TSBP1: variants seen among roughly 807,000 people sequenced by gnomAD.
TSBP1 encodes the protein testis-expressed basic protein 1.
A neutral mutation model predicts 68.8 loss-of-function variants in TSBP1; 56 were observed. That is an observed-to-expected ratio of 0.81 (90% CI 0.66 to 1.02). The LOEUF is 1.02. Among genes scored for constraint, TSBP1 ranks in the 50% least tolerant of loss-of-function variants. The probability of loss-of-function intolerance (pLI) is 0.00; values close to 1 mark genes in which losing one functional copy is unlikely to be tolerated. For synonymous variants in TSBP1, 171 were observed against 208.7 expected (o/e 0.82, Z 1.56); for missense variants, 502 against 641.2 (o/e 0.78, Z 2.34).
At chr6:32,296,359 A>G (rs568791961) in intron 22 of TSBP1, among the ~76,000 whole-genome samples, 3 of 152,346 alleles carry the variant, frequency 2.0e-5, no homozygotes, top group South Asian at 2.1e-4. Context: ...GTTGACATCC[A>G]AATAAAAATA....
At position 32,319,924 on chromosome 6, in the gene TSBP1, A is replaced by C. The variant is rs145958782; in HGVS notation, c.559+3193T>G. 2.0e-3 allele frequency among the ~76,000 whole-genome samples: 300 copies of C among 151,924 alleles called. 2 individuals are homozygous for C. The South Asian group carries it at 0.021, about 11-fold the overall frequency. ...TTAAAATGCATTAATATCTTTGAAG[A>C]CTTTTTCTTTTTTTTCCTTTAGTGT... On this transcript the variant is annotated intron_variant, in intron 18 of 22. Coordinates refer to ENST00000612031, the Ensembl canonical transcript of TSBP1.
chr6:32,306,422 A>C lies in TSBP1; in HGVS notation c.581-3793T>G, dbSNP rs1402672490. 3.3e-5 allele frequency among the ~76,000 whole-genome samples: 5 copies of C among 151,878 alleles called. No individual in the cohort carries two copies. Among genetic ancestry groups the C allele is most frequent in the African/African-American group, 4.8e-5 (2 of 41,360 alleles). On this transcript the variant is annotated intron_variant, in intron 19 of 22. Transcript: ENST00000612031. The surrounding 1 kb of genome is among the most constrained non-coding windows in gnomAD (Gnocchi z 5.1). The stretch of plus-strand genomic sequence containing the variant: ...AAACCCTCCAGCCAGCCTGAAAGAC[A>C]TTAGAAGGGTGGTACTTTAGAATGC...
chr6:32,337,259 A>T lies in TSBP1; in HGVS notation c.410-624T>A, dbSNP rs1236540367. Among the ~76,000 whole-genome samples the T allele has an allele frequency of 6.6e-6, 1 of 152,240 alleles. No homozygotes were observed. Among genetic ancestry groups the T allele is most frequent in the Admixed American group, 6.5e-5 (1 of 15,280 alleles). ...TTCAGTGGAGGAACAAATTAAGTTT[A>T]TAAATGCTTCTTTCTTCATCTTGGA... On this transcript the variant is annotated intron_variant, in intron 11 of 22. Coordinates refer to ENST00000612031, the Ensembl canonical transcript of TSBP1. The surrounding 1 kb of genome is among the most constrained non-coding windows in gnomAD (Gnocchi z 5.5).
chr6:32,364,988 G>A (rs3129917), intron 6 of TSBP1, among the ~76,000 whole-genome samples: 21,229 of 151,836 alleles, frequency 0.14, 1,665 homozygotes, highest in Non-Finnish European at 0.17. Flanking sequence ...CAAACTCTTG[G>A]GCTCAAGCAA....
Position 32,308,610 on chromosome 6 carries a change from AAAAAAAT to A in TSBP1, c.581-5988_581-5982del, listed in dbSNP as rs796905689. On this transcript the variant is annotated intron_variant, in intron 19 of 22. Coordinates refer to ENST00000612031, the Ensembl canonical transcript of TSBP1. The stretch of plus-strand genomic sequence containing the variant: ...GAGACTCCGTCTCAAAAAAAAAAAA[AAAAAAAT>A]TTTGCTTTTTATTTGCTTTCTCTTT... Among the ~76,000 whole-genome samples the A allele has an allele frequency of 6.8e-3, 984 of 143,922 alleles. 16 individuals carry two copies. The highest frequency in any genetic ancestry group is 0.02 in the East Asian group (101 of 4,936). The allele number at this position is 143,922 out of a possible 152,430, so 94.4% of individuals were successfully genotyped here. A position where few individuals can be genotyped will look rare whatever the true frequency, so the allele number is the denominator to read the frequency against.
chr6:32,360,880 TC>T, intron 6 of TSBP1, among the ~76,000 whole-genome samples: 1 of 108,568 alleles, frequency 9.2e-6, no homozygotes. Flanking sequence ...TTTTTCTCTC[TC>T]TCTTTTTTTT....
At chr6:32,348,198 C>T (rs3117126) in intron 9 of TSBP1, among the ~76,000 whole-genome samples, 115,381 of 152,154 alleles carry the variant, frequency 0.76, 43,954 homozygotes, top group South Asian at 0.86. Flanking sequence ...GGCAAGCCTG[C>T]CTCACATGGG....
chr6:32,300,366 T>C (rs11965088), intron 21 of TSBP1, among the ~76,000 whole-genome samples: 7,020 of 152,288 alleles, frequency 0.046, 365 homozygotes, highest in African/African-American at 0.13. Context: ...AGGATTTTCT[T>C]TTTTAGTAAA....
Position 32,367,243 on chromosome 6 carries a change from AAGAG to A in TSBP1, c.166+678_166+681del, listed in dbSNP as rs67714335. On this transcript the variant is annotated intron_variant, in intron 4 of 22. Transcript: ENST00000612031. Reference sequence around the variant, plus strand: ...TCAGAAAGAGAGAAAGAGGGAAGGAAAGAGAGAGAGAGAGAGAGAGAAAGAGAGA... The same window carrying A: ...TCAGAAAGAGAGAAAGAGGGAAGGAAAGAGAGAGAGAGAGAGAAAGAGAGA... Among the ~76,000 whole-genome samples, 90 of 130,650 alleles carry A rather than the reference AAGAG, an allele frequency of 6.9e-4. 2 individuals carry two copies. The highest frequency in any genetic ancestry group is 2.5e-3 in the African/African-American group (82 of 32,982). The allele number at this position is 130,650 out of a possible 152,430, so 85.7% of individuals were successfully genotyped here.
rs59185462 is a variant in TSBP1, at chr6:32,330,062, G to A, written c.514+527C>T. On this transcript the variant is annotated intron_variant, in intron 16 of 22. Transcript: ENST00000612031. ...TGTGTGCGCGCGCGCACGTGTGTTG[G>A]GGATGTTTGGAGATAGTGAGCCGGA... is the stretch of plus-strand genomic sequence containing the variant. Among the ~76,000 whole-genome samples, 492 of 152,240 alleles carry A rather than the reference G, an allele frequency of 3.2e-3. 14 individuals carry two copies. The East Asian group carries it at 0.068, about 21-fold the overall frequency.
chr6:32,362,149 C>T (rs1169695025), intron 6 of TSBP1, among the ~76,000 whole-genome samples: 2 of 152,066 alleles, frequency 1.3e-5, no homozygotes, highest in African/African-American at 2.4e-5. Context: ...ATTAGCCGGG[C>T]GTAGTGGCAG....
Position 32,307,308 on chromosome 6 carries a change from T to G in TSBP1, c.581-4679A>C, listed in dbSNP as rs144790543. Among the ~76,000 whole-genome samples, 12 of 152,316 alleles carry G rather than the reference T, an allele frequency of 7.9e-5. No individual in the cohort carries two copies. In the East Asian group the frequency reaches 2.3e-3, roughly 29 times the overall value. ...TATTCTGTAATTTCTCTCACAATTTTGTTTGTAACCTGTGGATTATTTGGA... is the reference window on the plus strand; with the variant it reads ...TATTCTGTAATTTCTCTCACAATTTGGTTTGTAACCTGTGGATTATTTGGA... On this transcript the variant is annotated intron_variant, in intron 19 of 22. Transcript: ENST00000612031.
intron 9 of TSBP1, among the ~76,000 whole-genome samples, chr6:32,347,520 A>G (rs902575997): frequency 2.0e-5 from 3 of 152,212 alleles, no homozygotes; most frequent in Non-Finnish European, 4.4e-5. Flanking sequence ...TTTGAAGCAC[A>G]TATGAGACTT....
chr6:32,370,466 A>G (rs1373874103), intron 1 of TSBP1, among the ~76,000 whole-genome samples: 1 of 149,230 alleles, frequency 6.7e-6, no homozygotes, highest in African/African-American at 2.4e-5. Flanking sequence ...AGATTTATAA[A>G]TATACTTTTA....
intron 6 of TSBP1, among the ~76,000 whole-genome samples, chr6:32,359,606 C>T (rs980380054): frequency 5.3e-5 from 8 of 152,132 alleles, no homozygotes; most frequent in African/African-American, 1.9e-4. Flanking sequence ...TGCCTGTTCA[C>T]TCTGATGGTA....
chr6:32,368,923 C>T (rs1453274353), intron 2 of TSBP1, 109 bp from the exon 3 acceptor site: 4 of 1,308,032 alleles, frequency 3.1e-6, no homozygotes, highest in Non-Finnish European at 4.1e-6. Context: ...CCAAGGTGGT[C>T]CTCCTGATAT....
intron 20 of TSBP1, among the ~76,000 whole-genome samples, 161 bp from the exon 24 acceptor site, chr6:32,300,861 T>C (rs1294197791): frequency 6.6e-6 from 1 of 152,240 alleles, no homozygotes; most frequent in Non-Finnish European, 1.5e-5. Flanking sequence ...CTTTGCCCAG[T>C]GTAGTTTACA....
intron 9 of TSBP1, among the ~76,000 whole-genome samples, chr6:32,349,009 A>G (rs1309966945): frequency 6.6e-6 from 1 of 152,168 alleles, no homozygotes; most frequent in African/African-American, 2.4e-5. Flanking sequence ...AAAATGCTCA[A>G]TGATGGGGAA....
At chr6:32,324,645 CAT>C (rs985862366) in intron 16 of TSBP1, 1 of 1,550,716 alleles carries the variant, frequency 6.4e-7, no homozygotes. Flanking sequence ...TCAATGAACA[CAT>C]AGACTTACTG....
Sources: allele counts gnomAD v4.1 joint callset (sites outside exome capture counted in the v4.1 genomes callset), GRCh38; gene constraint gnomAD v4.1.1; non-coding constraint Gnocchi (gnomAD v3.1); transcripts MANE v1.5; gene names NCBI Gene and HGNC (gene_info 2026-07-23, HGNC 2026-07-21).